FAM107B: variants seen among roughly 807,000 people sequenced by gnomAD.
FAM107B encodes the protein protein FAM107B.
In FAM107B, 21 loss-of-function variants were observed where a neutral mutation model predicts 31.5. That is an observed-to-expected ratio of 0.67 (90% confidence interval 0.47 to 0.96). The LOEUF (loss-of-function observed/expected upper bound fraction) is 0.96. Among genes scored for constraint, FAM107B ranks in the 40% least tolerant of loss-of-function variants. The pLI is 0.00. For synonymous variants in FAM107B, 157 were observed against 141.5 expected (o/e 1.11, Z -0.78); for missense variants, 452 against 377.1 (o/e 1.20, Z -1.64).
At chr10:14,658,805 AT>A (rs1316442792) in intron 2 of FAM107B, among the ~76,000 whole-genome samples, 3 of 152,258 alleles carry the variant, frequency 2.0e-5, no homozygotes, top group Admixed American at 1.3e-4. Context: ...CTAGGCATTC[AT>A]TATGTTTGCA....
intron 1 of FAM107B, among the ~76,000 whole-genome samples, chr10:14,752,946 T>C (rs920016404): frequency 7.0e-6 from 1 of 143,076 alleles, no homozygotes; most frequent in Admixed American, 6.9e-5. Flanking sequence ...AAAAAAAAAA[T>C]GACTCATAAA....
At chr10:14,762,484 G>A (rs1054742639) in intron 1 of FAM107B, among the ~76,000 whole-genome samples, 3 of 152,040 alleles carry the variant, frequency 2.0e-5, no homozygotes, top group Admixed American at 1.3e-4. Context: ...GTGACTGACC[G>A]GCATCTTTCC....
At chr10:14,578,917 A>G (rs1328648786) in intron 2 of FAM107B, among the ~76,000 whole-genome samples, 1 of 152,190 alleles carries the variant, frequency 6.6e-6, no homozygotes. Context: ...AGGGTCTCCA[A>G]AAAGTATAGC....
At chr10:14,584,669 C>A (rs1252771154) in intron 2 of FAM107B, among the ~76,000 whole-genome samples, 1 of 152,188 alleles carries the variant, frequency 6.6e-6, no homozygotes, top group Admixed American at 6.5e-5. Context: ...AGAATAGGGG[C>A]TGGAGGCAGG....
intron 1 of FAM107B, among the ~76,000 whole-genome samples, chr10:14,668,674 C>T (rs964909491): frequency 6.6e-6 from 1 of 152,138 alleles, no homozygotes; most frequent in African/African-American, 2.4e-5. Context: ...TTGTTTTTCC[C>T]TTCATTAAAC....
chr10:14,628,827 G>A (rs373140827), intron 2 of FAM107B, among the ~76,000 whole-genome samples: 15 of 152,126 alleles, frequency 9.9e-5, no homozygotes, highest in Admixed American at 1.3e-4. Context: ...GAGCCTAGTC[G>A]TTTGAGACCA....
intron 2 of FAM107B, among the ~76,000 whole-genome samples, chr10:14,619,356 G>A (rs925319484): frequency 1.3e-5 from 2 of 152,154 alleles, no homozygotes; most frequent in Admixed American, 6.5e-5. Context: ...ATCAGCAGTC[G>A]ACACTAGCAG....
intron 2 of FAM107B, among the ~76,000 whole-genome samples, chr10:14,647,534 A>T (rs1420899378): frequency 3.3e-5 from 5 of 152,046 alleles, no homozygotes; most frequent in African/African-American, 1.2e-4. Flanking sequence ...GTACAAAAAA[A>T]TTAGCCAGGC....
At chr10:14,529,661 T>G (rs1301510509) in intron 3 of FAM107B, 2 of 152,026 alleles carry the variant, frequency 1.3e-5, no homozygotes, top group East Asian at 3.8e-4. Context: ...AAAATAGCCT[T>G]TCATCCTCAG....
At chr10:14,619,570 G>C (rs1434767580) in intron 2 of FAM107B, among the ~76,000 whole-genome samples, 1 of 152,038 alleles carries the variant, frequency 6.6e-6, no homozygotes, top group Non-Finnish European at 1.5e-5. Context: ...TTACAGGCAT[G>C]TGTTTTCTAA....
In FAM107B at chr10:14,521,910, A is replaced by G. The variant is rs1845683498; in HGVS notation, c.763T>C (p.Leu255=). The change falls in exon 4 of 5, where the codon TTG becomes CTG. Residue 255 remains leucine, a synonymous_variant. Transcript: ENST00000181796. ...EEEAQKKKSD[L]EIELLKRQQK... is the part of the protein sequence containing the mutation. ...TGCCGTTTTAATAGCTCTATTTCCA[A>G]GTCAGATTTCTTCTTCTGTGCTTCT... 2.5e-6 allele frequency: 4 copies of G among 1,614,110 alleles called. No individual in the cohort carries two copies. The highest frequency in any genetic ancestry group is 3.4e-6 in the Non-Finnish European group (4 of 1,180,014).
intron 2 of FAM107B, among the ~76,000 whole-genome samples, chr10:14,595,915 C>T (rs887824750): frequency 1.3e-5 from 2 of 152,178 alleles, no homozygotes; most frequent in African/African-American, 4.8e-5. Context: ...CTGCAGTCCC[C>T]GTGGCCCTCC....
At chr10:14,563,343 T>C (rs1296952482) in intron 2 of FAM107B, among the ~76,000 whole-genome samples, 1 of 152,248 alleles carries the variant, frequency 6.6e-6, no homozygotes, top group East Asian at 1.9e-4. Context: ...GAATGCATCA[T>C]TTAAAATATT....
intron 2 of FAM107B, among the ~76,000 whole-genome samples, chr10:14,667,361 TATC>T (rs1164335693): frequency 6.6e-6 from 1 of 152,212 alleles, no homozygotes; most frequent in Non-Finnish European, 1.5e-5. Flanking sequence ...TTTTCATCAT[TATC>T]ATCATCTACT....
chr10:14,675,148 G>A (rs1169990429), intron 1 of FAM107B, among the ~76,000 whole-genome samples: 2 of 152,094 alleles, frequency 1.3e-5, no homozygotes, highest in Non-Finnish European at 2.9e-5. Flanking sequence ...TCTTGTGTTT[G>A]GTGCATTAAG....
intron 1 of FAM107B, among the ~76,000 whole-genome samples, chr10:14,726,054 C>T (rs552937017): frequency 2.0e-4 from 30 of 151,660 alleles, no homozygotes; most frequent in African/African-American, 7.3e-4. Context: ...AATGCAATGG[C>T]GCGATCTCAG....
intron 4 of FAM107B, among the ~76,000 whole-genome samples, chr10:14,521,650 T>C (rs899088200): frequency 6.6e-5 from 10 of 152,230 alleles, no homozygotes; most frequent in Admixed American, 6.5e-4. Flanking sequence ...GCCATGTCCC[T>C]GTTTTGCTTT....
intron 1 of FAM107B, among the ~76,000 whole-genome samples, chr10:14,765,307 G>C (rs1009541884): frequency 5.3e-5 from 8 of 152,076 alleles, no homozygotes; most frequent in Non-Finnish European, 1.0e-4. Context: ...TTGCATTCTT[G>C]CCACTCTCTG....
At chr10:14,647,755 G>T (rs1853794737) in intron 2 of FAM107B, among the ~76,000 whole-genome samples, 1 of 151,474 alleles carries the variant, frequency 6.6e-6, no homozygotes, top group African/African-American at 2.4e-5. Flanking sequence ...ATGAAACAAG[G>T]CATTTGCAGT....
Sources: allele counts gnomAD v4.1 joint callset (sites outside exome capture counted in the v4.1 genomes callset), GRCh38; gene constraint gnomAD v4.1.1; transcripts MANE v1.5; gene names NCBI Gene and HGNC (gene_info 2026-07-23, HGNC 2026-07-21).